Variants in WWP2 observed in about 807,000 individuals in gnomAD.
WWP2 encodes NEDD4-like E3 ubiquitin-protein ligase WWP2.
A neutral mutation model predicts 121.0 loss-of-function variants in WWP2; 57 were observed. The observed-to-expected ratio is 0.47, with a 90% CI of 0.38 to 0.59. WWP2 has a LOEUF of 0.59. WWP2 is among the 20% of genes least tolerant of loss of function. WWP2 has a pLI of 0.00. For missense variants in WWP2, 962 were observed against 1,158.9 expected (o/e 0.83, Z 2.47); for synonymous variants, 449 against 441.3 (o/e 1.02, Z -0.22).
chr16:69,831,128 C>A (rs941318408), intron 4 of WWP2, among the ~76,000 whole-genome samples: 9 of 152,284 alleles, frequency 5.9e-5, no homozygotes, highest in African/African-American at 1.7e-4. Context: ...ACATCTTCAT[C>A]GGGCTTCAGA....
At chr16:69,828,212 A>T (rs1469680794) in intron 4 of WWP2, among the ~76,000 whole-genome samples, 1 of 151,726 alleles carries the variant, frequency 6.6e-6, no homozygotes. Flanking sequence ...TGCCCAATCC[A>T]CCTTCCTTTC....
chr16:69,770,589 C>T (rs1018807165), intron 1 of WWP2, among the ~76,000 whole-genome samples: 8 of 152,148 alleles, frequency 5.3e-5, no homozygotes, highest in Non-Finnish European at 7.4e-5. Flanking sequence ...GTGAGTTGCT[C>T]TAGCAAATTT....
At chr16:69,775,593 AATC>A (rs1381736343) in intron 1 of WWP2, among the ~76,000 whole-genome samples, 1 of 152,180 alleles carries the variant, frequency 6.6e-6, no homozygotes, top group Non-Finnish European at 1.5e-5. Flanking sequence ...TGAACCTAGT[AATC>A]ATAGTTATTT....
chr16:69,854,892 GTC>G (rs1019006685), intron 6 of WWP2, among the ~76,000 whole-genome samples: 5 of 151,930 alleles, frequency 3.3e-5, no homozygotes, highest in Non-Finnish European at 5.9e-5. Context: ...GTCTTGTTCT[GTC>G]ATCCAGGCTA....
rs2058319992 is a variant in WWP2, at chr16:69,907,979, T to C, written c.915-782T>C. 2.0e-5 allele frequency among the ~76,000 whole-genome samples: 3 copies of C among 152,152 alleles called. No individual in the cohort carries two copies. In the South Asian group the frequency reaches 6.2e-4, roughly 32 times the overall value. ...CTTTAAGCCGGGTGCGGTGGCTCAC[T>C]CCTGTAATCCCAGCACTTTGGCAGG... On this transcript the variant is annotated intron_variant, in intron 8 of 23. Transcript: ENST00000359154.
At chr16:69,932,361 G>A (rs2058730075) in intron 16 of WWP2, among the ~76,000 whole-genome samples, 1 of 152,214 alleles carries the variant, frequency 6.6e-6, no homozygotes, top group African/African-American at 2.4e-5. Flanking sequence ...AACAAAATAC[G>A]TGAATCCATG....
At chr16:69,890,306 C>T (rs1222980032) in intron 8 of WWP2, among the ~76,000 whole-genome samples, 1 of 152,106 alleles carries the variant, frequency 6.6e-6, no homozygotes, top group Admixed American at 6.6e-5. Context: ...TTCAGAAAGT[C>T]CTGTTCCACA....
At chr16:69,824,036 T>C (rs542732679) in intron 4 of WWP2, among the ~76,000 whole-genome samples, 1 of 152,318 alleles carries the variant, frequency 6.6e-6, no homozygotes, top group African/African-American at 2.4e-5. Flanking sequence ...GTTGCCTGAA[T>C]GTGAGCTGTT....
intron 8 of WWP2, among the ~76,000 whole-genome samples, chr16:69,892,095 A>C (rs2058037635): frequency 6.6e-6 from 1 of 152,232 alleles, no homozygotes; most frequent in South Asian, 2.1e-4. Flanking sequence ...AGCACCTAGC[A>C]CATATGCACC....
intron 8 of WWP2, among the ~76,000 whole-genome samples, chr16:69,889,677 A>C (rs1030419643): frequency 6.6e-6 from 1 of 152,148 alleles, no homozygotes; most frequent in African/African-American, 2.4e-5. Context: ...CTGAACCGGG[A>C]GGTGAAGTCC....
intron 6 of WWP2, among the ~76,000 whole-genome samples, chr16:69,869,191 A>G (rs2057585653): frequency 1.3e-5 from 2 of 152,136 alleles, no homozygotes; most frequent in Non-Finnish European, 1.5e-5. Flanking sequence ...TGCGGCCAAC[A>G]GCTTTTGATT....
intron 4 of WWP2, among the ~76,000 whole-genome samples, chr16:69,814,527 G>A (rs1204240318): frequency 6.6e-6 from 1 of 152,156 alleles, no homozygotes; most frequent in Non-Finnish European, 1.5e-5. Flanking sequence ...ACACCACCAT[G>A]AAAGGTGAAG....
chr16:69,773,179 T>A (rs1041490420), intron 1 of WWP2, among the ~76,000 whole-genome samples: 2 of 151,766 alleles, frequency 1.3e-5, no homozygotes, highest in Admixed American at 1.3e-4. Context: ...CCGATACACG[T>A]TGCTCCTTTT....
chr16:69,861,241 C>T (rs924652737), intron 6 of WWP2, among the ~76,000 whole-genome samples: 4 of 152,182 alleles, frequency 2.6e-5, no homozygotes, highest in African/African-American at 9.7e-5. Context: ...GAACACTTCC[C>T]CTCTGAACTC....
intron 6 of WWP2, among the ~76,000 whole-genome samples, chr16:69,845,769 C>T (rs934371541): frequency 6.6e-6 from 1 of 151,836 alleles, no homozygotes; most frequent in Non-Finnish European, 1.5e-5. Flanking sequence ...TCAGATGAAG[C>T]CTGGGCGTGG....
At chr16:69,841,748 G>A (rs1383148678) in intron 5 of WWP2, among the ~76,000 whole-genome samples, 1 of 152,134 alleles carries the variant, frequency 6.6e-6, no homozygotes, top group African/African-American at 2.4e-5. Context: ...AATGGATAAG[G>A]CAATGTGCTT....
intron 8 of WWP2, among the ~76,000 whole-genome samples, chr16:69,904,690 G>A (rs1338648240): frequency 6.6e-6 from 1 of 152,010 alleles, no homozygotes; most frequent in Admixed American, 6.6e-5. Context: ...ATTTTCATCT[G>A]GCCACTTTTG....
chr16:69,847,835 C>T (rs1431830393), intron 6 of WWP2, among the ~76,000 whole-genome samples: 2 of 152,172 alleles, frequency 1.3e-5, no homozygotes, highest in African/African-American at 4.8e-5. Flanking sequence ...CTAGGTCTCA[C>T]CTCCCAACTC....
At chr16:69,873,363 A>C (rs2057677268) in intron 7 of WWP2, among the ~76,000 whole-genome samples, 1 of 152,190 alleles carries the variant, frequency 6.6e-6, no homozygotes, top group Non-Finnish European at 1.5e-5. Context: ...TGTGTCCTAC[A>C]AAGCGCACTG....
Sources: gnomAD v4.1 joint callset for allele counts (sites outside exome capture counted in the v4.1 genomes callset) on GRCh38, gnomAD v4.1.1 for gene constraint, MANE v1.5 for transcripts, NCBI Gene and HGNC (gene_info 2026-07-23, HGNC 2026-07-21) for gene names.